The following GTF2IRD1 variants were observed in gnomAD, a reference collection of about 807,000 sequenced individuals.
GTF2IRD1 encodes the protein GTF2I repeat domain containing 1.
Under a neutral mutation model 113.2 loss-of-function variants are expected in GTF2IRD1, and 26 were observed. That is an observed-to-expected ratio of 0.23 (90% CI 0.17 to 0.32). The LOEUF is 0.32. Among genes scored for constraint, GTF2IRD1 ranks in the 10% least tolerant of loss-of-function variants. GTF2IRD1 has a pLI of 1.00. For missense variants in GTF2IRD1, 864 were observed against 1,280.8 expected, an observed-to-expected ratio of 0.67 and a Z score of 4.97; for synonymous variants, 484 against 529.1, an observed-to-expected ratio of 0.91 and a Z score of 1.17.
At chr7:74,474,130 C>G (rs1794268239) in intron 1 of GTF2IRD1, among the ~76,000 whole-genome samples, 1 of 151,882 alleles carries the variant, frequency 6.6e-6, no homozygotes, top group Non-Finnish European at 1.5e-5. Context: ...GTAATCCTAT[C>G]TATTTGGGAG....
intron 1 of GTF2IRD1, among the ~76,000 whole-genome samples, chr7:74,456,621 T>C (rs911357765): frequency 6.6e-6 from 1 of 151,690 alleles, no homozygotes; most frequent in Non-Finnish European, 1.5e-5. Context: ...AGGTGGAGGT[T>C]GCAGTGAGCC....
At chr7:74,562,509 G>A (rs1200582665) in intron 22 of GTF2IRD1, among the ~76,000 whole-genome samples, 1 of 151,336 alleles carries the variant, frequency 6.6e-6, no homozygotes, top group African/African-American at 2.4e-5. Context: ...GGAAAAGATG[G>A]GCAGTGCTAG....
intron 9 of GTF2IRD1, among the ~76,000 whole-genome samples, chr7:74,534,620 A>T (rs73135381): frequency 6.6e-6 from 1 of 151,796 alleles, no homozygotes; most frequent in Non-Finnish European, 1.5e-5. Context: ...CGAGGCTGAC[A>T]ATGACTCCTG....
At chr7:74,508,690 T>TAAAAA (rs35760074) in intron 2 of GTF2IRD1, among the ~76,000 whole-genome samples, 1 of 132,076 alleles carries the variant, frequency 7.6e-6, no homozygotes, top group East Asian at 2.5e-4. Flanking sequence ...GACTCCGTCT[T>TAAAAA]AAAAAAAAAA....
At position 74,501,128 on chromosome 7, in the gene GTF2IRD1, C is replaced by T. The variant is rs538903327; in HGVS notation, c.-6-6947C>T. ...GCAGGACAAGCCCAGGCAGGAGAAA[C>T]GGACCCTGCTGAGGGGTCTCCTCTT... On this transcript the variant is annotated intron_variant, in intron 1 of 26. Transcript: ENST00000424337. Among the ~76,000 whole-genome samples, 7 of 152,188 alleles carry T rather than the reference C, an allele frequency of 4.6e-5. No individual in the cohort carries two copies. The East Asian group carries it at 5.8e-4, about 13-fold the overall frequency.
intron 3 of GTF2IRD1, chr7:74,515,203 T>G: frequency 1.4e-6 from 1 of 705,630 alleles, no homozygotes; most frequent in Non-Finnish European, 2.4e-6. Context: ...ACACAGCAAA[T>G]TAGAGGTGAC....
intron 25 of GTF2IRD1, among the ~76,000 whole-genome samples, chr7:74,598,865 G>A (rs587765160): frequency 6.6e-6 from 1 of 152,126 alleles, no homozygotes; most frequent in Admixed American, 6.6e-5. Context: ...CATAGCCTGG[G>A]CTCCTCCTGC....
At chr7:74,514,989 G>A (rs1796841981) in intron 3 of GTF2IRD1, among the ~76,000 whole-genome samples, 1 of 150,352 alleles carries the variant, frequency 6.7e-6, no homozygotes, top group African/African-American at 2.5e-5. Context: ...CCCTGGAGGT[G>A]GAGGTTGTAG....
intron 22 of GTF2IRD1, among the ~76,000 whole-genome samples, chr7:74,581,304 G>A (rs1554366061): frequency 6.6e-6 from 1 of 152,214 alleles, no homozygotes; most frequent in African/African-American, 2.4e-5. Flanking sequence ...TGAAAGGCAT[G>A]AGCCACCGCA....
intron 9 of GTF2IRD1, among the ~76,000 whole-genome samples, chr7:74,533,029 A>G (rs781847430): frequency 4.0e-5 from 6 of 151,214 alleles, no homozygotes; most frequent in Non-Finnish European, 8.8e-5. Context: ...GAATGCCAGA[A>G]CTCCAGTCCT....
In GTF2IRD1 at chr7:74,601,160, G is replaced by A. The variant is rs1554373936; in HGVS notation, c.2746G>A (p.Ala916Thr). ...CTCTAACCCGGATTCAGTGGCATCGGCCAACCAGATCTCACTCGTGGTAAA... is the reference window on the plus strand; with the variant it reads ...CTCTAACCCGGATTCAGTGGCATCGACCAACCAGATCTCACTCGTGGTAAA... ...SSSNPDSVAS[A>T]NQISLVQWPM... is the part of the protein sequence containing the mutation. Residue 916 changes from alanine (A) to threonine (T), a missense_variant, in exon 26 of 27, where the codon GCC becomes ACC. Ala to Thr is a moderately conservative substitution (Grantham distance 58). Around this residue, in one of 7 missense-constraint regions of GTF2IRD1, gnomAD observed 55 missense variants for 52.2 expected, o/e 1.05. Coordinates refer to ENST00000424337, the MANE Select transcript of GTF2IRD1 (RefSeq NM_005685.4). 1.1e-5 allele frequency: 17 copies of A among 1,600,922 alleles called. No individual in the cohort carries two copies. The highest frequency in any genetic ancestry group is 1.4e-5 in the Non-Finnish European group (16 of 1,173,196).
chr7:74,496,307 TG>T (rs1321000084), intron 1 of GTF2IRD1, among the ~76,000 whole-genome samples: 14 of 132,670 alleles, frequency 1.1e-4, no homozygotes, highest in African/African-American at 3.5e-4. Flanking sequence ...TGCATGTGTG[TG>T]GGGGTGGGGG....
intron 1 of GTF2IRD1, among the ~76,000 whole-genome samples, chr7:74,456,636 C>T (rs1792995240): frequency 6.6e-6 from 1 of 151,686 alleles, no homozygotes; most frequent in South Asian, 2.1e-4. Flanking sequence ...TGAGCCAAGA[C>T]CGCACCACTG....
intron 1 of GTF2IRD1, among the ~76,000 whole-genome samples, chr7:74,499,135 G>A (rs1322464214): frequency 6.6e-6 from 1 of 151,936 alleles, no homozygotes; most frequent in Non-Finnish European, 1.5e-5. Flanking sequence ...AATGAGTAGG[G>A]GTGGTGAGGG....
intron 24 of GTF2IRD1, among the ~76,000 whole-genome samples, chr7:74,593,626 G>C (rs1279167779): frequency 6.6e-6 from 1 of 151,120 alleles, no homozygotes; most frequent in Non-Finnish European, 1.5e-5. Flanking sequence ...CCAGCTACTC[G>C]AGAGGCTGAG....
At chr7:74,464,206 G>A (rs1417273597) in intron 1 of GTF2IRD1, among the ~76,000 whole-genome samples, 4 of 152,158 alleles carry the variant, frequency 2.6e-5, no homozygotes, top group Non-Finnish European at 1.5e-5. Context: ...ACTTGCCTGA[G>A]GCTGAGCCTC....
At chr7:74,549,102 C>T (rs1799136037) in intron 17 of GTF2IRD1, among the ~76,000 whole-genome samples, 1 of 151,894 alleles carries the variant, frequency 6.6e-6, no homozygotes, top group African/African-American at 2.4e-5. Flanking sequence ...CCAGCCTGGC[C>T]AACATGGTGA....
chr7:74,544,333 G>A (rs1798804931), intron 14 of GTF2IRD1, among the ~76,000 whole-genome samples: 1 of 152,126 alleles, frequency 6.6e-6, no homozygotes. Flanking sequence ...TTACAGGCAT[G>A]CGCCACCATG....
chr7:74,580,188 C>T (rs2130932015), intron 22 of GTF2IRD1, among the ~76,000 whole-genome samples: 1 of 152,296 alleles, frequency 6.6e-6, no homozygotes, highest in Middle Eastern at 3.4e-3. Flanking sequence ...CTCACTCTGT[C>T]ACCCAGGCTG....
Sources: allele counts gnomAD v4.1 joint callset (sites outside exome capture counted in the v4.1 genomes callset), GRCh38; gene constraint gnomAD v4.1.1; regional missense constraint gnomAD v4.1.1; transcripts MANE v1.5; gene names NCBI Gene and HGNC (gene_info 2026-07-23, HGNC 2026-07-21).